Variants in CHD1 observed in about 807,000 individuals in gnomAD.
The protein encoded by CHD1 is chromodomain helicase DNA binding protein 1.
CHD1 carries 36 observed loss-of-function variants against 224.2 expected under a neutral mutation model. The ratio of observed to expected loss-of-function variants is 0.16; its 90% CI spans 0.12 to 0.21. The LOEUF (loss-of-function observed/expected upper bound fraction) is 0.21. CHD1 is among the 10% of genes least tolerant of loss of function. The pLI, the probability that CHD1 is intolerant of heterozygous loss-of-function variation, is 1.00. For synonymous variants in CHD1, 668 were observed against 658.3 expected (o/e 1.01, Z -0.23); for missense variants, 1,378 against 1,994.8 (o/e 0.69, Z 5.89).
chr5:98,901,273 T>C lies in CHD1; in HGVS notation c.500A>G (p.Glu167Gly). The change falls in exon 6 of 36, where the codon GAA (glutamate) becomes GGA (glycine). Residue 167 changes from glutamate (E) to glycine (G), a missense_variant. Around this residue, in one of 16 missense-constraint regions of CHD1, gnomAD observed 306 missense variants for 298.1 expected, o/e 1.03. Transcript: ENST00000614616. ...PSQSGSDSES[E>G]EEREKSSCDE... ...ACAACTGCTTTTCTCTCTCTCTTCT[T>C]CAGATTCTGAATCTGAACCAGACTG... 1 of 1,613,922 alleles carries C rather than the reference T, an allele frequency of 6.2e-7. No homozygotes were observed. The highest frequency in any genetic ancestry group is 8.5e-7 in the Non-Finnish European group (1 of 1,179,920).
intron 22 of CHD1, among the ~76,000 whole-genome samples, 193 bp downstream of exon 22, chr5:98,880,883 T>C (rs941112463): frequency 6.6e-6 from 1 of 152,258 alleles, no homozygotes. Context: ...CCCAACTAAA[T>C]GTAACTTCAT....
intron 2 of CHD1, among the ~76,000 whole-genome samples, chr5:98,910,350 C>G (rs781305233): frequency 3.9e-5 from 6 of 152,038 alleles, no homozygotes; most frequent in Admixed American, 1.3e-4. Flanking sequence ...TTTTTGTTTT[C>G]AGGAATACTC....
intron 33 of CHD1, among the ~76,000 whole-genome samples, chr5:98,859,461 G>A (rs994502645): frequency 6.6e-6 from 1 of 152,032 alleles, no homozygotes; most frequent in Non-Finnish European, 1.5e-5. Context: ...TAGTTGTCAC[G>A]TCTTCCTCTG....
chr5:98,928,187 C>G (rs1334186263), intron 1 of CHD1, among the ~76,000 whole-genome samples: 2 of 151,580 alleles, frequency 1.3e-5, no homozygotes, highest in Non-Finnish European at 2.9e-5. Context: ...CCCCCTCCCC[C>G]TCCCGCCGCT....
chr5:98,863,501 T>A lies in CHD1; in HGVS notation c.4334A>T (p.Glu1445Val), dbSNP rs1421764235. 6.2e-7 allele frequency: 1 copy of A among 1,610,006 alleles called. No individual in the cohort carries two copies. The highest frequency in any genetic ancestry group is 1.3e-5 in the African/African-American group (1 of 74,644). Residue 1445 changes from glutamate to valine, a missense_variant, in exon 32 of 36, where the codon GAG (glutamate) becomes GTG (valine). This residue lies in a region of CHD1 where 23 missense variants were observed against 65.8 expected (regional missense o/e 0.35). Coordinates refer to ENST00000614616, the MANE Select transcript of CHD1 (RefSeq NM_001270.4). ...EKGLSEREQL[E>V]HTRQCLIKIG... ...TTTTATTAAACATTGTCTAGTATGC[T>A]CTAGTTGTTCTCTTTCTGAAAGGCC...
intron 2 of CHD1, among the ~76,000 whole-genome samples, chr5:98,925,620 G>C (rs1753406239): frequency 6.6e-6 from 1 of 152,078 alleles, no homozygotes; most frequent in Non-Finnish European, 1.5e-5. Flanking sequence ...CAAAATTTGA[G>C]AGCTACAGAA....
rs1435870034 is a variant in CHD1, at chr5:98,883,212, C to T, written c.2594G>A (p.Arg865Lys). Residue 865 changes from arginine to lysine, a missense_variant, in exon 19 of 36, where the codon AGA becomes AAA. Around this residue, in one of 16 missense-constraint regions of CHD1, gnomAD observed 57 missense variants for 177.2 expected, o/e 0.32. Transcript: ENST00000614616. ...TAAATTAATCCCTAGACCTCCAGCT[C>T]TTGTGGACAGCAAAAAGCAAAAATC... is the stretch of plus-strand genomic sequence containing the variant. ...SEDFCFLLST[R>K]AGGLGINLAS... is the part of the protein sequence containing the mutation. The T allele has an allele frequency of 6.3e-7, 1 of 1,578,174 alleles. No homozygotes were observed. Among genetic ancestry groups the T allele is most frequent in the Non-Finnish European group, 8.5e-7 (1 of 1,170,220 alleles).
At chr5:98,914,225 C>T (rs1752602481) in intron 2 of CHD1, among the ~76,000 whole-genome samples, 1 of 152,112 alleles carries the variant, frequency 6.6e-6, no homozygotes, top group African/African-American at 2.4e-5. Context: ...TCCCTGCTAG[C>T]TGAAAAGGGC....
rs2112324505 is a variant in CHD1, at chr5:98,872,187, C to T, written c.3725G>A (p.Cys1242Tyr). The T allele has an allele frequency of 6.2e-7, 1 of 1,613,110 alleles. No individual in the cohort carries two copies. Among genetic ancestry groups the T allele is most frequent in the South Asian group, 1.1e-5 (1 of 90,852 alleles). Residue 1242 changes from cysteine (C) to tyrosine (Y), a missense_variant, in exon 28 of 36, where the codon TGC (cysteine) becomes TAC (tyrosine). Around this residue, in one of 16 missense-constraint regions of CHD1, gnomAD observed 286 missense variants for 445.1 expected, o/e 0.64. Coordinates refer to ENST00000614616, the MANE Select transcript of CHD1 (RefSeq NM_001270.4). ...ATCAAAATGAGCTGCCTTTGTGTGG[C>T]ATGGGATAGTATACCTGGCATCAAA... ...PEERKQYTIPCHTKAAHFDID... is the reference protein window; with the variant it reads ...PEERKQYTIPYHTKAAHFDID...
At chr5:98,881,514 T>C (rs559729242) in intron 20 of CHD1, 139 bp from the exon 21 acceptor site, 268 of 232,316 alleles carry the variant, frequency 1.2e-3, no homozygotes, top group African/African-American at 5.7e-3. Context: ...TTAGAATCCT[T>C]TTTTTTTTTT....
At chr5:98,868,972 G>A (rs987593405) in intron 30 of CHD1, 3 of 796,318 alleles carry the variant, frequency 3.8e-6, no homozygotes, top group Non-Finnish European at 4.6e-6. Flanking sequence ...TAAATATGCT[G>A]ATTGTTTTTA....
chr5:98,918,349 C>T (rs188254055), intron 2 of CHD1, among the ~76,000 whole-genome samples: 9 of 151,564 alleles, frequency 5.9e-5, no homozygotes, highest in Admixed American at 3.3e-4. Flanking sequence ...TGTGAGCCAC[C>T]GCGCCTGGCC....
chr5:98,862,491 C>T (rs534210102), intron 32 of CHD1, among the ~76,000 whole-genome samples: 2 of 152,182 alleles, frequency 1.3e-5, no homozygotes, highest in Non-Finnish European at 2.9e-5. Flanking sequence ...TTCCTTATAA[C>T]AAACCGAATT....
intron 29 of CHD1, 84 bp from the exon 30 acceptor site, chr5:98,869,966 C>T: frequency 1.0e-6 from 1 of 977,992 alleles, no homozygotes; most frequent in South Asian, 1.6e-5. Flanking sequence ...AGGGCTAGAA[C>T]ACATATTCCT....
rs1451454607 is a variant in CHD1, at chr5:98,885,117, G to A, written c.2568+461C>T. Reference sequence around the variant, plus strand: ...TAAAGAGTAAAATTCTTGGCTGGGCGCGGTGGCTTCATGCCTGTAATCCTA... The same window carrying A: ...TAAAGAGTAAAATTCTTGGCTGGGCACGGTGGCTTCATGCCTGTAATCCTA... On this transcript the variant is annotated intron_variant, in intron 18 of 35. Transcript: ENST00000614616. Among the ~76,000 whole-genome samples, 21 of 152,206 alleles carry A rather than the reference G, an allele frequency of 1.4e-4. 1 individual carries two copies. The East Asian group carries it at 2.3e-3, about 17-fold the overall frequency.
Position 98,855,389 on chromosome 5 carries a change from T to C in CHD1, c.*991A>G, listed in dbSNP as rs1442554429. ...GGATTTACAATAACTTTTGGCCGTT[T>C]TGGATTCTGAAAAGTGTTTATACAC... On this transcript the variant is annotated 3_prime_UTR_variant, in exon 36 of 36. Coordinates refer to ENST00000614616, the MANE Select transcript of CHD1 (RefSeq NM_001270.4). 6.6e-6 allele frequency: 1 copy of C among 152,584 alleles called. No individual in the cohort carries two copies. Among genetic ancestry groups the C allele is most frequent in the African/African-American group, 2.4e-5 (1 of 41,448 alleles). The allele number at this position is 152,584 out of a possible 1,614,324, so 9.5% of individuals were successfully genotyped here.
At chr5:98,860,714 CA>C (rs1232654264) in intron 32 of CHD1, 1 of 152,646 alleles carries the variant, frequency 6.6e-6, no homozygotes, top group Non-Finnish European at 1.5e-5. Flanking sequence ...AATATACCTC[CA>C]AAAAGAAAAG....
At chr5:98,881,252 C>CTTTTT (rs11295695) in intron 21 of CHD1, 27 bp downstream of exon 21, 23 of 675,242 alleles carry the variant, frequency 3.4e-5, no homozygotes, top group South Asian at 1.3e-4. Flanking sequence ...TGAGGCAGGC[C>CTTTTT]TTTTTTTTTT....
chr5:98,926,325 C>G lies in CHD1; in HGVS notation c.53+9G>C. 1 of 1,490,062 alleles carries G rather than the reference C, an allele frequency of 6.7e-7. No homozygotes were observed. The highest frequency in any genetic ancestry group is 9.1e-7 in the Non-Finnish European group (1 of 1,102,946). 92.3% of individuals were successfully genotyped at this position (1,490,062 alleles called of 1,614,324 possible). On this transcript the variant is annotated intron_variant, in intron 2 of 35. Transcript: ENST00000614616. ...ATAGTAAACAATTGATAACAAAGTG[C>G]TTACTTACCTTGATTCTCCACTACT...
Sources: gnomAD v4.1 joint callset for allele counts (sites outside exome capture counted in the v4.1 genomes callset) on GRCh38, gnomAD v4.1.1 for gene constraint, gnomAD v4.1.1 regional missense constraint, MANE v1.5 for transcripts, NCBI Gene and HGNC (gene_info 2026-07-23, HGNC 2026-07-21) for gene names.